The following HRH4 variants were observed in gnomAD, a reference collection of about 807,000 sequenced individuals.
HRH4 encodes the protein histamine receptor H4.
A neutral mutation model predicts 10.4 loss-of-function variants in HRH4; 12 were observed. That is an observed-to-expected ratio of 1.15 (90% CI 0.74 to 1.87). The LOEUF (loss-of-function observed/expected upper bound fraction) is 1.87. Ranked by LOEUF, HRH4 falls within the 40% of genes most tolerant of loss-of-function variation. The probability of loss-of-function intolerance (pLI) is 0.00; values close to 1 mark genes in which losing one functional copy is unlikely to be tolerated. For missense variants in HRH4, 415 were observed against 453.3 expected (o/e 0.92, Z 0.77); for synonymous variants, 154 against 166.6 (o/e 0.92, Z 0.58).
At chr18:24,473,750 G>A (rs377315829) in intron 2 of HRH4, among the ~76,000 whole-genome samples, 1 of 152,178 alleles carries the variant, frequency 6.6e-6, no homozygotes, top group East Asian at 1.9e-4. Context: ...ACCCACAACA[G>A]GCACTTAGAA....
intron 1 of HRH4, among the ~76,000 whole-genome samples, chr18:24,461,177 A>G (rs1318538975): frequency 2.0e-5 from 3 of 152,160 alleles, no homozygotes; most frequent in Admixed American, 6.5e-5. Context: ...TAAGTCCAGT[A>G]TAGCTCCAAA....
chr18:24,467,672 T>A (rs1216615691), intron 1 of HRH4, among the ~76,000 whole-genome samples: 1 of 152,184 alleles, frequency 6.6e-6, no homozygotes, highest in Non-Finnish European at 1.5e-5. Flanking sequence ...GCCTCCTGAA[T>A]AACTGGGATT....
intron 2 of HRH4, among the ~76,000 whole-genome samples, chr18:24,472,289 GC>G (rs1290736776): frequency 6.6e-6 from 1 of 151,980 alleles, no homozygotes; most frequent in Non-Finnish European, 1.5e-5. Context: ...CAAGTGATCC[GC>G]CCCCCTCAGC....
rs1157749107 is a variant in HRH4 at position 24,475,830 on chromosome 18, A to C, written c.358-917A>C. Among the ~76,000 whole-genome samples the C allele has an allele frequency of 2.0e-5, 3 of 152,050 alleles. No individual in the cohort carries two copies. In the East Asian group the frequency reaches 5.8e-4, roughly 29 times the overall value. On this transcript the variant is annotated intron_variant, in intron 2 of 2. Coordinates refer to ENST00000256906, the MANE Select transcript of HRH4 (RefSeq NM_021624.4). Reference sequence around the variant, plus strand: ...TGAGACCAGCCTGGTCAACATGGTGAAACCCCATCTCTACTAAAAATACAA... The same window carrying C: ...TGAGACCAGCCTGGTCAACATGGTGCAACCCCATCTCTACTAAAAATACAA...
intron 2 of HRH4, among the ~76,000 whole-genome samples, chr18:24,476,289 T>C (rs1228894817): frequency 6.6e-6 from 1 of 152,226 alleles, no homozygotes; most frequent in African/African-American, 2.4e-5. Flanking sequence ...TATTGCTTTA[T>C]TTGATGAAAC....
At chr18:24,469,956 T>C (rs1337203803) in intron 2 of HRH4, among the ~76,000 whole-genome samples, 2 of 152,138 alleles carry the variant, frequency 1.3e-5, no homozygotes, top group Non-Finnish European at 2.9e-5. Flanking sequence ...ATTGTTTCTT[T>C]TTTTGTGTGA....
chr18:24,469,380 G>A (rs182666551), intron 2 of HRH4, among the ~76,000 whole-genome samples: 1 of 152,144 alleles, frequency 6.6e-6, no homozygotes, highest in Non-Finnish European at 1.5e-5. Flanking sequence ...ATGGCCAAAC[G>A]AAAAGACAGT....
chr18:24,470,091 G>T (rs1405447958), intron 2 of HRH4, among the ~76,000 whole-genome samples: 2 of 152,182 alleles, frequency 1.3e-5, no homozygotes, highest in African/African-American at 4.8e-5. Flanking sequence ...AGCCTGGGAC[G>T]ATTGTGCAGC....
chr18:24,461,495 CAACTTTCTCT>C (rs945461059), intron 1 of HRH4, among the ~76,000 whole-genome samples: 1 of 151,960 alleles, frequency 6.6e-6, no homozygotes. Context: ...GAAATCAAAC[CAACTTTCTCT>C]GAAAACACGC....
chr18:24,477,155 A>C lies in HRH4; in HGVS notation c.766A>C (p.Lys256Gln). 6.2e-7 allele frequency: 1 copy of C among 1,614,230 alleles called. No individual in the cohort carries two copies. The highest frequency in any genetic ancestry group is 8.5e-7 in the Non-Finnish European group (1 of 1,180,040). ...ASFHSERQRR[K>Q]SSLMFSSRTK... ...CTTTCATTCAGAGAGACAGAGGAGA[A>C]AGAGTAGTCTCATGTTTTCCTCAAG... The change falls in exon 3 of 3, where the codon AAG becomes CAG. Residue 256 changes from lysine to glutamine, a missense_variant. By Grantham distance (53) the Lys-to-Gln change is moderately conservative. Transcript: ENST00000256906.
intron 2 of HRH4, among the ~76,000 whole-genome samples, chr18:24,474,558 GA>G (rs1483990482): frequency 2.0e-5 from 3 of 151,938 alleles, no homozygotes; most frequent in Non-Finnish European, 1.5e-5. Flanking sequence ...AAATCTCACA[GA>G]ACAAATATGA....
intron 1 of HRH4, among the ~76,000 whole-genome samples, chr18:24,467,600 G>T (rs1909810701): frequency 6.6e-6 from 1 of 152,144 alleles, no homozygotes. Context: ...ATGGAGTGCA[G>T]TGGCCCCATC....
rs112313492 is a variant in HRH4 at position 24,479,432 on chromosome 18, G to A, written c.*1870G>A. The stretch of plus-strand genomic sequence containing the variant: ...CTGACGATTCACATTTTATTAGTTT[G>A]GTTATGTTTTGTCCTTTTAAAACAT... On this transcript the variant is annotated 3_prime_UTR_variant, in exon 3 of 3. Transcript: ENST00000256906. 0.037 allele frequency: 5,607 copies of A among 152,242 alleles called. 161 individuals are homozygous for A. Among genetic ancestry groups the A allele is most frequent in the African/African-American group, 0.071 (2,930 of 41,516 alleles). The allele number at this position is 152,242 out of a possible 1,614,324, so 9.4% of individuals were successfully genotyped here. A position where few individuals can be genotyped will look rare whatever the true frequency, so the allele number is the denominator to read the frequency against.
Position 24,460,792 on chromosome 18 carries a change from A to T in HRH4, c.64A>T (p.Met22Leu). Residue 22 changes from methionine to leucine, a missense_variant, in exon 1 of 3, where the codon ATG (methionine) becomes TTG (leucine). Met to Leu is a conservative substitution (Grantham distance 15, BLOSUM62 2). Transcript: ENST00000256906. Reference sequence around the variant, plus strand: ...CACTCGTGTTACTTTAGCATTTTTTATGTCCTTAGTAGCTTTTGCTATAAT... The same window carrying T: ...CACTCGTGTTACTTTAGCATTTTTTTTGTCCTTAGTAGCTTTTGCTATAAT... ...LSTRVTLAFF[M>L]SLVAFAIMLG... The T allele has an allele frequency of 6.4e-7, 1 of 1,564,470 alleles. No individual in the cohort carries two copies. Among genetic ancestry groups the T allele is most frequent in the South Asian group, 1.2e-5 (1 of 83,676 alleles).
In HRH4 at chr18:24,476,862, A is replaced by G; in HGVS notation, c.473A>G (p.Lys158Arg). The G allele has an allele frequency of 6.2e-7, 1 of 1,614,212 alleles. No homozygotes were observed. ...ATGATTCTAGTTTCAGAGTCTTGGA[A>G]GGATGAAGGTAGTGAATGTGAACCT... ...GPMILVSESW[K>R]DEGSECEPGF... Residue 158 changes from lysine to arginine, a missense_variant, in exon 3 of 3, where the codon AAG becomes AGG. Physicochemically the swap from Lys to Arg is conservative, Grantham distance 26 (BLOSUM62 2). Transcript: ENST00000256906.
In HRH4 at chr18:24,477,771, C is replaced by T. The variant is rs1910187617; in HGVS notation, c.*209C>T. The T allele has an allele frequency of 2.4e-6, 1 of 418,900 alleles. No individual in the cohort carries two copies. The highest frequency in any genetic ancestry group is 4.2e-6 in the Non-Finnish European group (1 of 237,090). The allele number at this position is 418,900 out of a possible 1,614,324, so 25.9% of individuals were successfully genotyped here. Reference sequence around the variant, plus strand: ...ATAGTACTATATTCTTCTTAGTCCTCACCTCTTCCTTGTCTTTTAGATCTT... The same window carrying T: ...ATAGTACTATATTCTTCTTAGTCCTTACCTCTTCCTTGTCTTTTAGATCTT... On this transcript the variant is annotated 3_prime_UTR_variant, in exon 3 of 3. Transcript: ENST00000256906.
intron 1 of HRH4, among the ~76,000 whole-genome samples, chr18:24,467,242 CT>C (rs1377537861): frequency 6.6e-6 from 1 of 152,178 alleles, no homozygotes; most frequent in Non-Finnish European, 1.5e-5. Flanking sequence ...GACATATTAG[CT>C]GTTACTAATT....
At chr18:24,462,750 G>GA (rs1909676627) in intron 1 of HRH4, among the ~76,000 whole-genome samples, 1 of 152,200 alleles carries the variant, frequency 6.6e-6, no homozygotes, top group Admixed American at 6.5e-5. Context: ...AAGAAGTATT[G>GA]AAAAAATGCA....
At chr18:24,476,269 C>T (rs1599780765) in intron 2 of HRH4, among the ~76,000 whole-genome samples, 2 of 152,200 alleles carry the variant, frequency 1.3e-5, no homozygotes, top group East Asian at 1.9e-4. Flanking sequence ...TATCTCTATT[C>T]CCAAAGACAT....
Sources: gnomAD v4.1 joint callset for allele counts (sites outside exome capture counted in the v4.1 genomes callset) on GRCh38, gnomAD v4.1.1 for gene constraint, MANE v1.5 for transcripts, NCBI Gene and HGNC (gene_info 2026-07-23, HGNC 2026-07-21) for gene names.